SGCZ: variants seen among roughly 807,000 people sequenced by gnomAD.
SGCZ encodes zeta-sarcoglycan.
SGCZ carries 40 observed loss-of-function variants against 41.3 expected under a neutral mutation model. That is an observed-to-expected ratio of 0.97 (90% confidence interval 0.75 to 1.26). The LOEUF (loss-of-function observed/expected upper bound fraction) is 1.26. SGCZ is among the 50% of genes most tolerant of loss of function. The probability of loss-of-function intolerance (pLI) is 0.00; values close to 1 mark genes in which losing one functional copy is unlikely to be tolerated. For missense variants in SGCZ, 552 were observed against 369.8 expected (o/e 1.49, Z -4.04); for synonymous variants, 206 against 137.5 (o/e 1.50, Z -3.49).
intron 1 of SGCZ, among the ~76,000 whole-genome samples, chr8:15,124,423 A>T (rs922075834): frequency 6.6e-6 from 1 of 152,180 alleles, no homozygotes; most frequent in African/African-American, 2.4e-5. Context: ...GATGGGGCAA[A>T]ACTCTGTTCC....
At chr8:14,394,152 T>C (rs1370717685) in intron 2 of SGCZ, among the ~76,000 whole-genome samples, 1,724 of 68,036 alleles carry the variant, frequency 0.025, 54 homozygotes, top group African/African-American at 0.11. Flanking sequence ...CCTTTTTTTT[T>C]TTTTTTTTTT....
intron 1 of SGCZ, among the ~76,000 whole-genome samples, chr8:14,815,626 T>C (rs1801880281): frequency 6.6e-6 from 1 of 152,282 alleles, no homozygotes. Flanking sequence ...TATAGAAATA[T>C]GCAGTACCTA....
At chr8:15,201,212 T>A (rs904097882) in intron 1 of SGCZ, among the ~76,000 whole-genome samples, 1 of 152,144 alleles carries the variant, frequency 6.6e-6, no homozygotes, top group African/African-American at 2.4e-5. Context: ...AGAGGGAGTT[T>A]CACCATGTTG....
chr8:14,377,961 G>C (rs1177846740), intron 2 of SGCZ, among the ~76,000 whole-genome samples: 1 of 150,162 alleles, frequency 6.7e-6, no homozygotes, highest in Non-Finnish European at 1.5e-5. Flanking sequence ...CCAAGTCTTT[G>C]CTATTGTGAA....
At chr8:14,338,221 C>G (rs76684081) in intron 2 of SGCZ, among the ~76,000 whole-genome samples, 5,545 of 152,184 alleles carry the variant, frequency 0.036, 337 homozygotes, top group African/African-American at 0.13. Flanking sequence ...GGCTCAGACT[C>G]CTAAGAAAGG....
intron 1 of SGCZ, among the ~76,000 whole-genome samples, chr8:14,922,767 T>A (rs1398350926): frequency 6.6e-6 from 1 of 152,136 alleles, no homozygotes; most frequent in Non-Finnish European, 1.5e-5. Context: ...AAAATAACAA[T>A]TCAGTGCAAT....
chr8:14,254,404 C>T (rs1470654361), intron 3 of SGCZ, among the ~76,000 whole-genome samples: 1 of 152,206 alleles, frequency 6.6e-6, no homozygotes, highest in African/African-American at 2.4e-5. Flanking sequence ...ACTGCTGGCA[C>T]TGAGGCCTGC....
At chr8:14,288,766 C>T (rs1030894586) in intron 3 of SGCZ, among the ~76,000 whole-genome samples, 1 of 152,048 alleles carries the variant, frequency 6.6e-6, no homozygotes, top group African/African-American at 2.4e-5. Flanking sequence ...TTTTGTTTGA[C>T]CACTTGTTAC....
intron 1 of SGCZ, among the ~76,000 whole-genome samples, chr8:14,956,039 C>CTTTTTTTTT (rs71884770): frequency 3.3e-5 from 4 of 120,224 alleles, no homozygotes; most frequent in African/African-American, 1.3e-4. Flanking sequence ...ACTACTTTTA[C>CTTTTTTTTT]TTTTTTTTTT....
At chr8:14,519,891 C>T (rs1033820056) in intron 2 of SGCZ, among the ~76,000 whole-genome samples, 4 of 152,084 alleles carry the variant, frequency 2.6e-5, no homozygotes, top group Non-Finnish European at 4.4e-5. Context: ...TCAACCTTAA[C>T]CTCTGGTAGA....
At chr8:14,973,617 T>C (rs1262763040) in intron 1 of SGCZ, among the ~76,000 whole-genome samples, 1 of 152,160 alleles carries the variant, frequency 6.6e-6, no homozygotes. Context: ...CAACTCCTTT[T>C]CCAAGAGATC....
At chr8:14,613,006 G>A (rs1805979599) in intron 1 of SGCZ, among the ~76,000 whole-genome samples, 1 of 152,036 alleles carries the variant, frequency 6.6e-6, no homozygotes, top group Non-Finnish European at 1.5e-5. Context: ...TTTTTAAAGA[G>A]GACAAAAAAG....
chr8:14,414,364 A>C (rs1006842613), intron 2 of SGCZ, among the ~76,000 whole-genome samples: 3 of 151,948 alleles, frequency 2.0e-5, no homozygotes, highest in African/African-American at 2.4e-5. Flanking sequence ...AGTGTTTCTT[A>C]AATTGAGTGT....
At chr8:14,294,107 G>A (rs905541057) in intron 3 of SGCZ, among the ~76,000 whole-genome samples, 6 of 151,764 alleles carry the variant, frequency 4.0e-5, no homozygotes, top group East Asian at 1.9e-4. Context: ...ACAACCACCA[G>A]ACATTACGCG....
chr8:14,708,649 C>T (rs1179658302), intron 1 of SGCZ, among the ~76,000 whole-genome samples: 1 of 152,012 alleles, frequency 6.6e-6, no homozygotes, highest in Non-Finnish European at 1.5e-5. Flanking sequence ...AAAAAATTGA[C>T]ACACCATGCA....
At chr8:14,245,293 T>C (rs552277676) in intron 3 of SGCZ, among the ~76,000 whole-genome samples, 138 of 152,238 alleles carry the variant, frequency 9.1e-4, no homozygotes, top group African/African-American at 3.1e-3. Flanking sequence ...TAACGCCGCA[T>C]ATCTACAACT....
At chr8:14,402,021 C>T (rs1799091237) in intron 2 of SGCZ, among the ~76,000 whole-genome samples, 1 of 152,084 alleles carries the variant, frequency 6.6e-6, no homozygotes, top group Non-Finnish European at 1.5e-5. Context: ...TTTTGATTTG[C>T]ATTTCTCTGA....
chr8:14,156,724 A>T (rs888194504), intron 5 of SGCZ, among the ~76,000 whole-genome samples: 1 of 152,144 alleles, frequency 6.6e-6, no homozygotes, highest in Non-Finnish European at 1.5e-5. Context: ...TCTAAAAAAC[A>T]TTTTTGCTAA....
At chr8:14,320,334 C>T (rs947510751) in intron 3 of SGCZ, among the ~76,000 whole-genome samples, 14 of 151,580 alleles carry the variant, frequency 9.2e-5, no homozygotes, top group African/African-American at 2.2e-4. Flanking sequence ...CCAGATTTGC[C>T]GTGTTACCTG....
Sources: allele counts gnomAD v4.1 joint callset (sites outside exome capture counted in the v4.1 genomes callset), GRCh38; gene constraint gnomAD v4.1.1; transcripts MANE v1.5; gene names NCBI Gene and HGNC (gene_info 2026-07-23, HGNC 2026-07-21).